Variants in ALPK2 observed in about 807,000 individuals in gnomAD.
The protein encoded by ALPK2 is alpha kinase 2.
In ALPK2, 127 loss-of-function variants were observed where a neutral mutation model predicts 163.1. The ratio of observed to expected loss-of-function variants is 0.78; its 90% CI spans 0.67 to 0.90. The LOEUF is 0.90. Ranked by LOEUF, ALPK2 falls within the 40% of genes least tolerant of loss-of-function variation. The probability of loss-of-function intolerance (pLI) is 0.00; values close to 1 mark genes in which losing one functional copy is unlikely to be tolerated. For missense variants in ALPK2, 2,360 were observed against 2,589.6 expected (o/e 0.91, Z 1.92); for synonymous variants, 953 against 959.1 (o/e 0.99, Z 0.12).
chr18:58,563,153 C>A (rs545193999), intron 4 of ALPK2, among the ~76,000 whole-genome samples: 1 of 147,584 alleles, frequency 6.8e-6, no homozygotes, highest in East Asian at 1.9e-4. Context: ...TCTATTGGCT[C>A]AATTTTTTTT....
At chr18:58,624,363 A>G (rs9944639) in intron 1 of ALPK2, among the ~76,000 whole-genome samples, 77,587 of 151,968 alleles carry the variant, frequency 0.51, 20,314 homozygotes, top group East Asian at 0.85. Context: ...AGGAAACAGC[A>G]GGGTCCTGAC....
Position 58,517,104 on chromosome 18 carries a change from C to G in ALPK2, c.5744G>C (p.Arg1915Pro), listed in dbSNP as rs140586410. 9 of 1,614,228 alleles carry G rather than the reference C, an allele frequency of 5.6e-6. No individual in the cohort carries two copies. The highest frequency in any genetic ancestry group is 7.6e-6 in the Non-Finnish European group (9 of 1,180,032). ...LHDSYFGGRL[R>P]GQIATEELHF... ...CAGCTCCTCCGTGGCGATCTGACCA[C>G]GCAGGCGGCCCCCAAAGTAGCTGTC... The change falls in exon 9 of 13, where the codon CGT becomes CCT. Residue 1915 changes from arginine to proline, a missense_variant. Physicochemically the swap from Arg to Pro is moderately radical, Grantham distance 103 (BLOSUM62 -2). Transcript: ENST00000361673.
chr18:58,567,416 G>A (rs1475260302), intron 4 of ALPK2, among the ~76,000 whole-genome samples: 1 of 152,108 alleles, frequency 6.6e-6, no homozygotes, highest in Admixed American at 6.5e-5. Context: ...CAGCAAGTCT[G>A]TGGTAAAACT....
At chr18:58,500,238 G>GAA (rs10570591) in intron 11 of ALPK2, among the ~76,000 whole-genome samples, 5 of 114,444 alleles carry the variant, frequency 4.4e-5, no homozygotes, top group South Asian at 2.7e-4. Context: ...ACTATGCTTT[G>GAA]AAAAAAAAAA....
chr18:58,487,541 G>A (rs1215477860), intron 12 of ALPK2, among the ~76,000 whole-genome samples: 7 of 152,148 alleles, frequency 4.6e-5, no homozygotes, highest in Non-Finnish European at 1.0e-4. Context: ...ATGGAATAAA[G>A]AATCTTGTAT....
At chr18:58,591,828 A>T (rs759100919) in intron 3 of ALPK2, among the ~76,000 whole-genome samples, 17 of 152,240 alleles carry the variant, frequency 1.1e-4, no homozygotes, top group Middle Eastern at 3.4e-3. Flanking sequence ...ATGAAAAGGG[A>T]CTCTCTTAAT....
chr18:58,498,180 G>A, intron 11 of ALPK2, 83 bp from the exon 12 acceptor site: 3 of 1,279,156 alleles, frequency 2.3e-6, no homozygotes, highest in Non-Finnish European at 2.3e-6. Flanking sequence ...CAGGGAAGGG[G>A]TAATGACAGC....
intron 9 of ALPK2, among the ~76,000 whole-genome samples, chr18:58,515,993 C>T (rs2051519321): frequency 6.6e-6 from 1 of 151,984 alleles, no homozygotes; most frequent in East Asian, 1.9e-4. Flanking sequence ...GCAGGAGGAT[C>T]ACTTGGAACC....
chr18:58,549,879 C>A (rs552992587), intron 4 of ALPK2, among the ~76,000 whole-genome samples: 9 of 152,220 alleles, frequency 5.9e-5, no homozygotes, highest in African/African-American at 2.2e-4. Context: ...GGGAAGCAGG[C>A]AAAGCTCTCC....
chr18:58,517,131 T>C lies in ALPK2; in HGVS notation c.5717A>G (p.His1906Arg). 1 of 1,614,210 alleles carries C rather than the reference T, an allele frequency of 6.2e-7. No homozygotes were observed. The highest frequency in any genetic ancestry group is 2.2e-5 in the East Asian group (1 of 44,878). Residue 1906 changes from histidine to arginine, a missense_variant, in exon 9 of 13, where the codon CAT (histidine) becomes CGT (arginine). Coordinates refer to ENST00000361673, the MANE Select transcript of ALPK2 (RefSeq NM_052947.4). The part of the protein sequence containing the change: ...SQLIFKEDFL[H>R]DSYFGGRLRG... ...CAGGCGGCCCCCAAAGTAGCTGTCA[T>C]GGAGGAAGTCTTCTTTGAAGATGAG...
chr18:58,576,691 CTT>C (rs1214209032), intron 4 of ALPK2, among the ~76,000 whole-genome samples: 17 of 152,148 alleles, frequency 1.1e-4, no homozygotes, highest in Admixed American at 9.2e-4. Context: ...TAAATAGAAA[CTT>C]TTTGCGTGGG....
At chr18:58,546,358 G>T (rs911999198) in intron 4 of ALPK2, among the ~76,000 whole-genome samples, 2 of 152,160 alleles carry the variant, frequency 1.3e-5, no homozygotes, top group Non-Finnish European at 2.9e-5. Flanking sequence ...GGGTTTCCAT[G>T]GTTCACACCC....
chr18:58,500,376 A>G (rs1213261189), intron 11 of ALPK2, among the ~76,000 whole-genome samples: 1 of 152,226 alleles, frequency 6.6e-6, no homozygotes, highest in East Asian at 1.9e-4. Flanking sequence ...AAGGTCCTTG[A>G]ACTTGGAGAA....
At chr18:58,500,210 A>G (rs574510827) in intron 11 of ALPK2, among the ~76,000 whole-genome samples, 3 of 150,428 alleles carry the variant, frequency 2.0e-5, no homozygotes, top group African/African-American at 7.3e-5. Flanking sequence ...AATGCTTCAC[A>G]TAGCTTTTAT....
intron 8 of ALPK2, among the ~76,000 whole-genome samples, chr18:58,521,183 C>T (rs2051549070): frequency 6.6e-6 from 1 of 152,228 alleles, no homozygotes; most frequent in Admixed American, 6.5e-5. Context: ...CAGACCCAGG[C>T]TCTACGGCTG....
intron 3 of ALPK2, among the ~76,000 whole-genome samples, chr18:58,598,851 G>A (rs2052054605): frequency 6.6e-6 from 1 of 152,114 alleles, no homozygotes; most frequent in Non-Finnish European, 1.5e-5. Context: ...TACAAGGTAG[G>A]GCTGACTCCA....
chr18:58,567,042 C>A (rs1451317534), intron 4 of ALPK2, among the ~76,000 whole-genome samples: 1 of 151,696 alleles, frequency 6.6e-6, no homozygotes, highest in Non-Finnish European at 1.5e-5. Context: ...ATTAAAAATG[C>A]AGGTTCAGGC....
At chr18:58,507,828 A>G (rs2051469473) in intron 10 of ALPK2, among the ~76,000 whole-genome samples, 2 of 152,222 alleles carry the variant, frequency 1.3e-5, no homozygotes, top group Admixed American at 6.5e-5. Flanking sequence ...ACAAACACAG[A>G]TGGTAACAGC....
intron 4 of ALPK2, among the ~76,000 whole-genome samples, chr18:58,563,424 T>C (rs551594703): frequency 6.6e-6 from 1 of 152,318 alleles, no homozygotes; most frequent in East Asian, 1.9e-4. Flanking sequence ...AACCATGAAA[T>C]GTATTGTCAG....
Sources: gnomAD v4.1 joint callset for allele counts (sites outside exome capture counted in the v4.1 genomes callset) on GRCh38, gnomAD v4.1.1 for gene constraint, MANE v1.5 for transcripts, NCBI Gene and HGNC (gene_info 2026-07-23, HGNC 2026-07-21) for gene names.